The following INO80E variants were observed in gnomAD, a reference collection of about 807,000 sequenced individuals.
INO80E encodes the protein coiled-coil domain containing 95.
A neutral mutation model predicts 27.3 loss-of-function variants in INO80E; 20 were observed. The observed-to-expected ratio is 0.73, with a 90% confidence interval of 0.51 to 1.06. The LOEUF (loss-of-function observed/expected upper bound fraction) is 1.06, where lower values mean the gene tolerates loss of function less well. Ranked by LOEUF, INO80E falls within the 50% of genes least tolerant of loss-of-function variation. The pLI, the probability that INO80E is intolerant of heterozygous loss-of-function variation, is 0.00. For synonymous variants in INO80E, 167 were observed against 145.9 expected, an observed-to-expected ratio of 1.14 and a Z score of -1.04; for missense variants, 357 against 322.8, an observed-to-expected ratio of 1.11 and a Z score of -0.81.
Position 29,996,858 on chromosome 16 carries a change from C to T in INO80E, c.203C>T (p.Ser68Leu), listed in dbSNP as rs770966981. Residue 68 changes from serine to leucine, a missense_variant and splice_region_variant, in exon 3 of 7, where the codon TCG (serine) becomes TTG (leucine). Transcript: ENST00000563197. Reference protein sequence around the residue: ...LQYENVDEDSSDSDATASSDN... With the variant: ...LQYENVDEDSLDSDATASSDN... ...TACGAGAACGTGGATGAAGACTCTTCGGGTGAGCAAGGTCTTCAAAAATTG... is the reference window on the plus strand; with the variant it reads ...TACGAGAACGTGGATGAAGACTCTTTGGGTGAGCAAGGTCTTCAAAAATTG... 131 of 1,613,980 alleles carry T rather than the reference C, an allele frequency of 8.1e-5. No homozygotes were observed. The highest frequency in any genetic ancestry group is 1.1e-4 in the Non-Finnish European group (129 of 1,179,962).
intron 6 of INO80E, among the ~76,000 whole-genome samples, chr16:30,004,840 G>A (rs2070492734): frequency 6.6e-6 from 1 of 152,182 alleles, no homozygotes. Flanking sequence ...GGAGTAGGGA[G>A]AGGAAGCTGG....
chr16:30,000,708 G>C, intron 3 of INO80E, 50 bp from the exon 4 acceptor site: 2 of 1,497,688 alleles, frequency 1.3e-6, no homozygotes, highest in Non-Finnish European at 1.9e-6. Flanking sequence ...TACCTTTCTG[G>C]GATGGACTGG....
At chr16:30,001,081 T>C (rs745343994) in intron 5 of INO80E, 41 bp downstream of exon 5, 1 of 1,509,046 alleles carries the variant, frequency 6.6e-7, no homozygotes, top group Admixed American at 2.2e-5. Flanking sequence ...GGGAGTAAGG[T>C]GGGCGTCATT....
Position 30,005,593 on chromosome 16 carries a change from G to C in INO80E, c.*151G>C, listed in dbSNP as rs1238742800. ...CCAGAAAAGGCGTAAACATGCACGG[G>C]TGTCCCCCAGGAGGGTGGCAGGGGC... On this transcript the variant is annotated 3_prime_UTR_variant, in exon 7 of 7. Transcript: ENST00000563197. 1.3e-6 allele frequency: 1 copy of C among 765,656 alleles called. No homozygotes were observed. The highest frequency in any genetic ancestry group is 2.1e-6 in the Non-Finnish European group (1 of 467,812). The allele number at this position is 765,656 out of a possible 1,614,324, so 47.4% of individuals were successfully genotyped here. A position where few individuals can be genotyped will look rare whatever the true frequency, so the allele number is the denominator to read the frequency against.
chr16:29,996,322 G>A lies in INO80E; in HGVS notation c.12G>A (p.Pro4=), dbSNP rs2070108182. ...CTCCCGGGCCGGTCATGAACGGGCCGGCGGACGGCGAAGTGGACTACAAAA... is the reference window on the plus strand; with the variant it reads ...CTCCCGGGCCGGTCATGAACGGGCCAGCGGACGGCGAAGTGGACTACAAAA... MNG[P]ADGEVDYKKK... is the part of the protein sequence containing the mutation. Residue 4 remains proline (P), a synonymous_variant, in exon 1 of 7, where the codon CCG becomes CCA. Coordinates refer to ENST00000563197, the MANE Select transcript of INO80E (RefSeq NM_173618.3). 6.3e-7 allele frequency: 1 copy of A among 1,595,178 alleles called. No individual in the cohort carries two copies.
Position 30,000,834 on chromosome 16 carries a change from G to A in INO80E, c.282G>A (p.Lys94=), listed in dbSNP as rs2070321271. Residue 94 remains lysine, a splice_region_variant and synonymous_variant, in exon 4 of 7, where the codon AAG becomes AAA. Coordinates refer to ENST00000563197, the MANE Select transcript of INO80E (RefSeq NM_173618.3). The part of the protein sequence containing the change: ...TPKLSDTPAP[K]RKRSPPLGGA... Reference sequence around the variant, plus strand: ...AGTTGTCTGACACACCGGCCCCTAAGAGGTGAGAAGAAGATGCATTCCTCT... The same window carrying A: ...AGTTGTCTGACACACCGGCCCCTAAAAGGTGAGAAGAAGATGCATTCCTCT... 5 of 1,614,104 alleles carry A rather than the reference G, an allele frequency of 3.1e-6. No individual in the cohort carries two copies. The highest frequency in any genetic ancestry group is 3.4e-6 in the Non-Finnish European group (4 of 1,179,926).
At chr16:30,001,358 C>T in intron 5 of INO80E, 56 bp from the exon 6 acceptor site, 2 of 1,527,336 alleles carry the variant, frequency 1.3e-6, no homozygotes, top group Non-Finnish European at 1.8e-6. Flanking sequence ...ATTTCTTCCC[C>T]CACCCTCACC....
intron 4 of INO80E, 21 bp from the exon 5 acceptor site, chr16:30,000,908 C>T: frequency 6.2e-7 from 1 of 1,609,804 alleles, no homozygotes. Flanking sequence ...CACATCTGAC[C>T]TCGCCCTGTC....
chr16:29,997,010 A>G, intron 3 of INO80E, 150 bp downstream of exon 3: 1 of 733,668 alleles, frequency 1.4e-6, no homozygotes, highest in Non-Finnish European at 2.4e-6. Flanking sequence ...CCGTTCTTTC[A>G]TTCAGGCACT....
chr16:30,000,567 G>T (rs1471414043), intron 3 of INO80E, among the ~76,000 whole-genome samples, 191 bp from the exon 4 acceptor site: 1 of 152,178 alleles, frequency 6.6e-6, no homozygotes, highest in Non-Finnish European at 1.5e-5. Context: ...GTCTTGCTAG[G>T]TTGTCCAGGC....
At position 29,996,762 on chromosome 16, in the gene INO80E, T is replaced by G. The variant is rs747362864; in HGVS notation, c.153-46T>G. ...GAGGGACAGGTACCCAGGAGGACAT[T>G]GCTGCGCTGGAAAATCACTGTCCGT... On this transcript the variant is annotated intron_variant, in intron 2 of 6. Transcript: ENST00000563197. The G allele has an allele frequency of 6.8e-6, 11 of 1,609,444 alleles. No homozygotes were observed. In the South Asian group the frequency reaches 8.8e-5, roughly 13 times the overall value.
intron 3 of INO80E, chr16:29,999,338 A>G (rs1438232428): frequency 2.0e-5 from 3 of 152,234 alleles, no homozygotes; most frequent in Non-Finnish European, 2.9e-5. Flanking sequence ...CAGCATGTTC[A>G]TGGCCAGAGT....
Sources: gnomAD v4.1 joint callset for allele counts (sites outside exome capture counted in the v4.1 genomes callset) on GRCh38, gnomAD v4.1.1 for gene constraint, MANE v1.5 for transcripts, NCBI Gene and HGNC (gene_info 2026-07-23, HGNC 2026-07-21) for gene names.